The following N4BP2 variants were observed in gnomAD, a reference collection of about 807,000 sequenced individuals.
The protein encoded by N4BP2 is NEDD4 binding protein 2.
Under a neutral mutation model 152.8 loss-of-function variants are expected in N4BP2, and 91 were observed. The observed-to-expected ratio is 0.60, with a 90% CI of 0.50 to 0.71. The LOEUF (loss-of-function observed/expected upper bound fraction) is 0.71. Ranked by LOEUF, N4BP2 falls within the 30% of genes least tolerant of loss-of-function variation. The pLI is 0.00. For synonymous variants in N4BP2, 646 were observed against 705.3 expected (o/e 0.92, Z 1.33); for missense variants, 1,923 against 2,059.1 (o/e 0.93, Z 1.28).
At chr4:40,060,454 A>G (rs1733567383) in intron 1 of N4BP2, among the ~76,000 whole-genome samples, 1 of 152,098 alleles carries the variant, frequency 6.6e-6, no homozygotes, top group South Asian at 2.1e-4. Flanking sequence ...CTTGTTGGTC[A>G]GGCTGGTCGT....
Position 40,097,292 on chromosome 4 carries a change from C to G in N4BP2, c.-49C>G. Reference sequence around the variant, plus strand: ...TTTGTTTGAATTATGACTTAAATGTCAAACATCTTAACTAAGAAAAGGGAA... The same window carrying G: ...TTTGTTTGAATTATGACTTAAATGTGAAACATCTTAACTAAGAAAAGGGAA... On this transcript the variant is annotated 5_prime_UTR_variant, in exon 3 of 18. An upstream open reading frame in the 5' UTR gains an earlier in-frame stop. Coordinates refer to ENST00000261435, the MANE Select transcript of N4BP2 (RefSeq NM_018177.6). 6.6e-7 allele frequency: 1 copy of G among 1,514,472 alleles called. No individual in the cohort carries two copies. Among genetic ancestry groups the G allele is most frequent in the Admixed American group, 1.7e-5 (1 of 58,480 alleles). 93.8% of individuals were successfully genotyped at this position (1,514,472 alleles called of 1,614,324 possible).
At chr4:40,099,292 G>C (rs1715393745) in intron 3 of N4BP2, among the ~76,000 whole-genome samples, 1 of 152,198 alleles carries the variant, frequency 6.6e-6, no homozygotes, top group South Asian at 2.1e-4. Flanking sequence ...GCCCAGGCCG[G>C]AGTGCAGTGG....
At chr4:40,176,269 C>T in the N4BP2 span, among the ~76,000 whole-genome samples, 1 of 151,986 alleles carries the variant, frequency 6.6e-6, no homozygotes, top group Non-Finnish European at 1.5e-5. Flanking sequence ...AAAAGTTAAA[C>T]CATCTTTTCT....
At chr4:40,106,023 T>C (rs551618533) in intron 4 of N4BP2, among the ~76,000 whole-genome samples, 14 of 152,210 alleles carry the variant, frequency 9.2e-5, no homozygotes, top group African/African-American at 2.7e-4. Flanking sequence ...TTTTTGTTCA[T>C]TGATGTATGC....
chr4:40,141,842 T>C (rs1447223022), intron 14 of N4BP2, among the ~76,000 whole-genome samples: 3 of 152,106 alleles, frequency 2.0e-5, no homozygotes, highest in Non-Finnish European at 4.4e-5. Context: ...TCCCGGCACC[T>C]CGGGAGGCCG....
At chr4:40,069,698 A>G (rs1711952349) in intron 1 of N4BP2, among the ~76,000 whole-genome samples, 3 of 152,218 alleles carry the variant, frequency 2.0e-5, no homozygotes, top group Admixed American at 6.5e-5. Flanking sequence ...GCTTGAAGCC[A>G]GGAGTTGGAG....
chr4:40,105,961 A>G (rs1009497926), intron 4 of N4BP2, among the ~76,000 whole-genome samples: 2 of 152,264 alleles, frequency 1.3e-5, no homozygotes, highest in Non-Finnish European at 2.9e-5. Context: ...AATTGGGATC[A>G]AATGAGCATT....
intron 16 of N4BP2, among the ~76,000 whole-genome samples, chr4:40,147,243 A>C (rs1185910062): frequency 6.6e-6 from 1 of 151,776 alleles, no homozygotes; most frequent in Non-Finnish European, 1.5e-5. Context: ...GTCATAGATC[A>C]ACAGGATCCC....
chr4:40,125,283 C>G (rs1238661502), intron 11 of N4BP2, among the ~76,000 whole-genome samples: 1 of 152,200 alleles, frequency 6.6e-6, no homozygotes, highest in African/African-American at 2.4e-5. Context: ...TGTGTTGATA[C>G]TCCTCTGAGA....
chr4:40,082,154 T>C (rs1713441102), intron 2 of N4BP2, among the ~76,000 whole-genome samples: 1 of 151,564 alleles, frequency 6.6e-6, no homozygotes, highest in Non-Finnish European at 1.5e-5. Context: ...CGAGCGCCTG[T>C]AGTCCCAGCA....
the N4BP2 span, among the ~76,000 whole-genome samples, chr4:40,179,765 T>TC: frequency 3.9e-4 from 57 of 147,940 alleles, no homozygotes; most frequent in African/African-American, 1.4e-3. Context: ...CTTTCTTTTT[T>TC]TTTTTTTTTT....
chr4:40,119,998 T>G lies in N4BP2; in HGVS notation c.1887T>G (p.His629Gln). 1 of 1,563,542 alleles carries G rather than the reference T, an allele frequency of 6.4e-7. No homozygotes were observed. The highest frequency in any genetic ancestry group is 8.8e-7 in the Non-Finnish European group (1 of 1,142,354). ...EENILSLSLK[H>Q]LEFTEEKNLD... ...ATATTTTATCTTTATCTTTGAAGCA[T>G]CTAGAGTTCACTGAAGAGAAGAATC... The change falls in exon 9 of 18, where the codon CAT (histidine) becomes CAG (glutamine). Residue 629 changes from histidine to glutamine, a missense_variant. Transcript: ENST00000261435.
intron 16 of N4BP2, among the ~76,000 whole-genome samples, chr4:40,145,193 T>C (rs943473233): frequency 6.6e-6 from 1 of 152,164 alleles, no homozygotes; most frequent in Non-Finnish European, 1.5e-5. Context: ...AATAAGGTGA[T>C]AGGATTCTCC....
downstream of N4BP2, chr4:40,158,380 A>C (rs1008228975): frequency 5.9e-5 from 9 of 152,076 alleles, no homozygotes; most frequent in African/African-American, 1.9e-4. Context: ...CTGTACCAAA[A>C]CTTTTCTTCT....
chr4:40,097,301 T>C lies in N4BP2; in HGVS notation c.-40T>C. 1 of 1,552,738 alleles carries C rather than the reference T, an allele frequency of 6.4e-7. No homozygotes were observed. The highest frequency in any genetic ancestry group is 8.9e-7 in the Non-Finnish European group (1 of 1,125,716). Reference sequence around the variant, plus strand: ...ATTATGACTTAAATGTCAAACATCTTAACTAAGAAAAGGGAAACATTTTAG... The same window carrying C: ...ATTATGACTTAAATGTCAAACATCTCAACTAAGAAAAGGGAAACATTTTAG... On this transcript the variant is annotated 5_prime_UTR_variant, in exon 3 of 18. Coordinates refer to ENST00000261435, the MANE Select transcript of N4BP2 (RefSeq NM_018177.6).
At chr4:40,072,595 C>T (rs1214960869) in intron 1 of N4BP2, among the ~76,000 whole-genome samples, 1 of 151,758 alleles carries the variant, frequency 6.6e-6, no homozygotes, top group Non-Finnish European at 1.5e-5. Context: ...ATCACGTTGC[C>T]CTGGCTGGTC....
chr4:40,148,474 GA>G (rs1720828743), intron 16 of N4BP2, among the ~76,000 whole-genome samples: 1 of 149,196 alleles, frequency 6.7e-6, no homozygotes, highest in African/African-American at 2.5e-5. Context: ...TGGGGAGAGG[GA>G]GAGGGGGAGG....
Position 40,120,125 on chromosome 4 carries a change from A to G in N4BP2, c.2014A>G (p.Ile672Val). The G allele has an allele frequency of 1.9e-6, 3 of 1,612,414 alleles. No individual in the cohort carries two copies. The highest frequency in any genetic ancestry group is 2.5e-6 in the Non-Finnish European group (3 of 1,179,430). The change falls in exon 9 of 18, where the codon ATT becomes GTT. Residue 672 changes from isoleucine to valine, a missense_variant. By Grantham distance (29) the Ile-to-Val change is conservative. Transcript: ENST00000261435. ...AGAAATAAGTGATATGAATCCTAGCATTCAAAGTGCTTTAATTCTGGAAAC... is the reference window on the plus strand; with the variant it reads ...AGAAATAAGTGATATGAATCCTAGCGTTCAAAGTGCTTTAATTCTGGAAAC... Reference protein sequence around the residue: ...RKEISDMNPSIQSALILETPH... With the variant: ...RKEISDMNPSVQSALILETPH...
the N4BP2 span, among the ~76,000 whole-genome samples, chr4:40,178,900 T>C: frequency 6.6e-6 from 1 of 152,162 alleles, no homozygotes; most frequent in Non-Finnish European, 1.5e-5. Flanking sequence ...GGCTGAGTTT[T>C]TGCAGCTGGT....
Sources: allele counts gnomAD v4.1 joint callset (sites outside exome capture counted in the v4.1 genomes callset), GRCh38; gene constraint gnomAD v4.1.1; transcripts MANE v1.5; gene names NCBI Gene and HGNC (gene_info 2026-07-23, HGNC 2026-07-21).